The following AKAP19 variants were observed in gnomAD, a reference collection of about 807,000 sequenced individuals.
The protein encoded by AKAP19 is A-kinase anchoring protein 19, also known as small A-kinase anchoring protein.
At chr2:190,131,547 G>C in the AKAP19 span, among the ~76,000 whole-genome samples, 1 of 152,154 alleles carries the variant, frequency 6.6e-6, no homozygotes, top group Non-Finnish European at 1.5e-5. Context: ...TATAATAAAT[G>C]AGTAGAGGTA....
chr2:189,889,566 T>C, the AKAP19 span, among the ~76,000 whole-genome samples: 1 of 152,204 alleles, frequency 6.6e-6, no homozygotes. Flanking sequence ...CCTGGGCTTT[T>C]TTTGGTTGGT....
At chr2:189,927,838 A>T in the AKAP19 span, among the ~76,000 whole-genome samples, 1 of 152,164 alleles carries the variant, frequency 6.6e-6, no homozygotes, top group Non-Finnish European at 1.5e-5. Flanking sequence ...TTAGAAATTC[A>T]GTTTCTCATT....
At chr2:190,008,730 GCACACACACACA>G in the AKAP19 span, among the ~76,000 whole-genome samples, 6,593 of 120,662 alleles carry the variant, frequency 0.055, 518 homozygotes, top group African/African-American at 0.16. Flanking sequence ...ATGTGCACGT[GCACACACACACA>G]CACACACACA....
the AKAP19 span, among the ~76,000 whole-genome samples, chr2:190,198,482 A>G: frequency 6.6e-6 from 1 of 151,840 alleles, no homozygotes; most frequent in Non-Finnish European, 1.5e-5. Flanking sequence ...CTCTACAAAA[A>G]CTTAGGTAGG....
the AKAP19 span, among the ~76,000 whole-genome samples, chr2:189,890,295 T>C: frequency 2.3e-4 from 35 of 152,340 alleles, no homozygotes; most frequent in South Asian, 2.3e-3. Context: ...AGACAGTTTG[T>C]TATTATTTCT....
the AKAP19 span, among the ~76,000 whole-genome samples, chr2:190,054,508 T>C: frequency 6.6e-6 from 1 of 152,060 alleles, no homozygotes; most frequent in African/African-American, 2.4e-5. Flanking sequence ...ATTAAAGAGC[T>C]TCTGCACAGC....
At chr2:190,154,646 T>G in the AKAP19 span, among the ~76,000 whole-genome samples, 1 of 152,232 alleles carries the variant, frequency 6.6e-6, no homozygotes, top group African/African-American at 2.4e-5. Context: ...GTCTCTTGTA[T>G]ACAAGACAGG....
At chr2:189,969,209 G>A in the AKAP19 span, among the ~76,000 whole-genome samples, 1 of 152,092 alleles carries the variant, frequency 6.6e-6, no homozygotes, top group Non-Finnish European at 1.5e-5. Flanking sequence ...AGGTCCTTTG[G>A]GAGGTGATCA....
chr2:190,099,465 G>A, the AKAP19 span, among the ~76,000 whole-genome samples: 4 of 152,182 alleles, frequency 2.6e-5, no homozygotes, highest in East Asian at 1.9e-4. Flanking sequence ...ATATGGACAC[G>A]GTTCAAGGTG....
At chr2:189,961,728 T>G in the AKAP19 span, among the ~76,000 whole-genome samples, 1 of 151,798 alleles carries the variant, frequency 6.6e-6, no homozygotes, top group Non-Finnish European at 1.5e-5. Context: ...CTGGCCAACA[T>G]AGTAGAAACC....
At chr2:190,004,268 TATA>T in the AKAP19 span, among the ~76,000 whole-genome samples, 26 of 149,162 alleles carry the variant, frequency 1.7e-4, 1 homozygote, top group South Asian at 4.3e-4. Context: ...AAACTTAAAG[TATA>T]ATAATAATAA....
chr2:190,192,424 G>C, the AKAP19 span, among the ~76,000 whole-genome samples: 3 of 149,226 alleles, frequency 2.0e-5, no homozygotes, highest in African/African-American at 7.5e-5. Flanking sequence ...GGCCATTCTA[G>C]TTTGTGTTTC....
chr2:189,981,179 C>G, the AKAP19 span, among the ~76,000 whole-genome samples: 1 of 151,940 alleles, frequency 6.6e-6, no homozygotes, highest in Non-Finnish European at 1.5e-5. Context: ...TTTTTTAAAC[C>G]TGGATGCTCC....
chr2:190,196,464 T>C, the AKAP19 span, among the ~76,000 whole-genome samples: 1 of 151,982 alleles, frequency 6.6e-6, no homozygotes, highest in Admixed American at 6.6e-5. Context: ...TTTTCTTGGG[T>C]ATACTTAAAT....
the AKAP19 span, among the ~76,000 whole-genome samples, chr2:189,946,763 T>C: frequency 1.3e-5 from 2 of 152,220 alleles, no homozygotes; most frequent in Admixed American, 1.3e-4. Context: ...TTTTATACTT[T>C]TTCAAATGCT....
the AKAP19 span, among the ~76,000 whole-genome samples, chr2:190,073,226 C>T: frequency 2.6e-5 from 4 of 151,946 alleles, no homozygotes; most frequent in African/African-American, 9.7e-5. Context: ...ATGAAATGAA[C>T]ATATATAGAT....
At chr2:190,070,142 T>C in the AKAP19 span, among the ~76,000 whole-genome samples, 4 of 152,184 alleles carry the variant, frequency 2.6e-5, no homozygotes, top group African/African-American at 4.8e-5. Context: ...ACCCTATCCA[T>C]GGTTCCGGCT....
At chr2:190,192,395 T>A in the AKAP19 span, among the ~76,000 whole-genome samples, 4 of 152,004 alleles carry the variant, frequency 2.6e-5, no homozygotes, top group Non-Finnish European at 5.9e-5. Context: ...AAATTATTGT[T>A]CTTTCTCAAA....
the AKAP19 span, among the ~76,000 whole-genome samples, chr2:190,088,931 C>T: frequency 6.6e-6 from 1 of 152,196 alleles, no homozygotes; most frequent in African/African-American, 2.4e-5. Context: ...GCTAAATGTC[C>T]TCTAAGCGTT....
Sources: allele counts gnomAD v4.1 joint callset (sites outside exome capture counted in the v4.1 genomes callset), GRCh38; gene constraint gnomAD v4.1.1; transcripts MANE v1.5; gene names NCBI Gene and HGNC (gene_info 2026-07-23, HGNC 2026-07-21).